TFAP2A: variants seen among roughly 807,000 people sequenced by gnomAD.
TFAP2A encodes the protein transcription factor AP-2 alpha, also known as transcription factor AP-2-alpha.
Under a neutral mutation model 41.5 loss-of-function variants are expected in TFAP2A, and 7 were observed. The observed-to-expected ratio is 0.17, with a 90% CI of 0.10 to 0.32. TFAP2A has a LOEUF of 0.32. TFAP2A is among the 10% of genes least tolerant of loss of function. TFAP2A has a pLI of 1.00. For missense variants in TFAP2A, 416 were observed against 563.3 expected (o/e 0.74, Z 2.65); for synonymous variants, 247 against 242.8 (o/e 1.02, Z -0.16).
intron 3 of TFAP2A, chr6:10,405,559 T>G (rs1304240096): frequency 6.6e-6 from 1 of 150,806 alleles, no homozygotes; most frequent in African/African-American, 2.5e-5. Context: ...CCATAAGCTC[T>G]TTATTGCTGG....
chr6:10,412,305 G>A (rs1040548164), intron 1 of TFAP2A: 2 of 986,034 alleles, frequency 2.0e-6, no homozygotes, highest in Non-Finnish European at 2.4e-6. Context: ...ATGCAAAAGT[G>A]AAAGAGAAAG....
intron 4 of TFAP2A, among the ~76,000 whole-genome samples, chr6:10,404,014 G>A (rs531225030): frequency 2.5e-4 from 38 of 152,308 alleles, no homozygotes; most frequent in Non-Finnish European, 4.0e-4. Context: ...TTAGTTAAAA[G>A]CCATTCTATT....
intron 2 of TFAP2A, among the ~76,000 whole-genome samples, chr6:10,408,296 G>A (rs994408990): frequency 6.6e-6 from 1 of 152,174 alleles, no homozygotes; most frequent in Admixed American, 6.5e-5. Flanking sequence ...GGGTTTCCTT[G>A]TTTTTGTTTA....
Position 10,411,798 on chromosome 6 carries a change from C to T in TFAP2A, c.52-1463G>A, listed in dbSNP as rs1757984259. The T allele has an allele frequency of 2.8e-6, 4 of 1,442,724 alleles. No homozygotes were observed. The Admixed American group carries it at 1.1e-4, about 41-fold the overall frequency. 89.4% of individuals were successfully genotyped at this position (1,442,724 alleles called of 1,614,324 possible). On this transcript the variant is annotated intron_variant, in intron 1 of 6. Coordinates refer to ENST00000379613, the MANE Select transcript of TFAP2A (RefSeq NM_001372066.1). ...TCCGAACTTGAACCACCGATTCGCGCGGCGCCTTCAGCTGGTCGAACCCAC... is the reference window on the plus strand; with the variant it reads ...TCCGAACTTGAACCACCGATTCGCGTGGCGCCTTCAGCTGGTCGAACCCAC...
Position 10,415,063 on chromosome 6 carries a change from G to A in TFAP2A, c.-72C>T. On this transcript the variant is annotated 5_prime_UTR_variant, in exon 1 of 7. Coordinates refer to ENST00000379613, the MANE Select transcript of TFAP2A (RefSeq NM_001372066.1). Reference sequence around the variant, plus strand: ...GAGCTACTCTCTGGGTGAGCGCAAAGTGCTGGCTGCCGGCGGTGAGCGCAG... The same window carrying A: ...GAGCTACTCTCTGGGTGAGCGCAAAATGCTGGCTGCCGGCGGTGAGCGCAG... 1 of 1,613,780 alleles carries A rather than the reference G, an allele frequency of 6.2e-7. No individual in the cohort carries two copies. Among genetic ancestry groups the A allele is most frequent in the Middle Eastern group, 1.6e-4 (1 of 6,062 alleles).
At chr6:10,411,052 C>CT (rs1757942795) in intron 1 of TFAP2A, 2 of 143,504 alleles carry the variant, frequency 1.4e-5, no homozygotes, top group African/African-American at 2.5e-5. Context: ...TGTGGCCCCC[C>CT]CCCCCCGCCC....
intron 5 of TFAP2A, chr6:10,402,093 A>T (rs1222684638): frequency 8.3e-6 from 3 of 362,392 alleles, no homozygotes; most frequent in Non-Finnish European, 1.6e-5. Context: ...GTCTTAAATC[A>T]GGACGCAGGT....
chr6:10,409,450 G>T (rs114190878), intron 2 of TFAP2A: 2 of 185,138 alleles, frequency 1.1e-5, no homozygotes, highest in African/African-American at 2.4e-5. Context: ...CGGTTAAAAT[G>T]ATCTTAGTGT....
At chr6:10,411,654 C>G in intron 1 of TFAP2A, 1 of 1,611,392 alleles carries the variant, frequency 6.2e-7, no homozygotes. Flanking sequence ...GCCTGGAGCG[C>G]CCGGCTGCCC....
At chr6:10,404,795 T>C in intron 3 of TFAP2A, 56 bp from the exon 4 acceptor site, 3 of 1,517,064 alleles carry the variant, frequency 2.0e-6, no homozygotes, top group Non-Finnish European at 2.7e-6. Context: ...CCCCAAATCC[T>C]GCCCGACCCC....
intron 1 of TFAP2A, chr6:10,411,575 C>G: frequency 6.2e-7 from 1 of 1,614,048 alleles, no homozygotes; most frequent in Non-Finnish European, 8.5e-7. Flanking sequence ...CTCACCATGG[C>G]TGAAAAACTG....
chr6:10,404,162 C>G (rs992985752), intron 4 of TFAP2A, among the ~76,000 whole-genome samples: 1 of 152,242 alleles, frequency 6.6e-6, no homozygotes, highest in African/African-American at 2.4e-5. Context: ...GTACGGCGCC[C>G]CGCGGCTGCA....
In TFAP2A at chr6:10,409,991, G is replaced by T. The variant is rs771478009; in HGVS notation, c.396C>A (p.His132Gln). The T allele has an allele frequency of 6.2e-7, 1 of 1,604,848 alleles. No homozygotes were observed. The highest frequency in any genetic ancestry group is 1.1e-5 in the South Asian group (1 of 90,098). Residue 132 changes from histidine (H) to glutamine (Q), a missense_variant, in exon 2 of 7, where the codon CAC (histidine) becomes CAA (glutamine). His to Gln is a conservative substitution (Grantham distance 24). Around this residue, in one of 3 missense-constraint regions of TFAP2A, gnomAD observed 241 missense variants for 274.1 expected, o/e 0.88. Transcript: ENST00000379613. ...CGTGTGGGCCGTGCAGGAGGTCCTCGTGCCGCCTGTAGTCCCTGCGAGGAT... is the reference window on the plus strand; with the variant it reads ...CGTGTGGGCCGTGCAGGAGGTCCTCTTGCCGCCTGTAGTCCCTGCGAGGAT... ...GLDPRRDYRR[H>Q]EDLLHGPHAL... is the part of the protein sequence containing the mutation.
intron 2 of TFAP2A, chr6:10,407,479 G>T (rs543927638): frequency 6.6e-6 from 1 of 152,144 alleles, no homozygotes; most frequent in South Asian, 2.1e-4. Context: ...TGTTAGTGTG[G>T]GGTGTTTTTC....
intron 2 of TFAP2A, among the ~76,000 whole-genome samples, chr6:10,408,161 A>G (rs1262836951): frequency 1.3e-5 from 2 of 152,260 alleles, no homozygotes; most frequent in Non-Finnish European, 2.9e-5. Context: ...TAGCAGTTAT[A>G]CTTACTAAAG....
At chr6:10,403,506 C>T (rs1231535163) in intron 4 of TFAP2A, among the ~76,000 whole-genome samples, 1 of 152,138 alleles carries the variant, frequency 6.6e-6, no homozygotes, top group African/African-American at 2.4e-5. Flanking sequence ...TCTTTATAGG[C>T]TTTGTGCGGG....
chr6:10,411,220 C>T (rs1372839496), intron 1 of TFAP2A, among the ~76,000 whole-genome samples: 1 of 152,196 alleles, frequency 6.6e-6, no homozygotes, highest in Non-Finnish European at 1.5e-5. Flanking sequence ...CCGCGCTGCA[C>T]TTTTCCTGCA....
Position 10,406,864 on chromosome 6 carries a change from A to C in TFAP2A, c.487-20T>G. On this transcript the variant is annotated intron_variant, in intron 2 of 6. Coordinates refer to ENST00000379613, the MANE Select transcript of TFAP2A (RefSeq NM_001372066.1). ...TACATGCTGCAACAAAAGGATACAC[A>C]TGGATGTAAGTGTATCATCAAAACA... The C allele has an allele frequency of 6.3e-7, 1 of 1,588,672 alleles. No homozygotes were observed. The highest frequency in any genetic ancestry group is 8.6e-7 in the Non-Finnish European group (1 of 1,156,684).
At chr6:10,415,802 G>C (rs1758220427), upstream of TFAP2A, 1 of 152,442 alleles carries the variant, frequency 6.6e-6, no homozygotes, top group African/African-American at 2.4e-5. Context: ...GGGCCGCAGC[G>C]CCTTGGGAGT....
Sources: gnomAD v4.1 joint callset for allele counts (sites outside exome capture counted in the v4.1 genomes callset) on GRCh38, gnomAD v4.1.1 for gene constraint, gnomAD v4.1.1 regional missense constraint, MANE v1.5 for transcripts, NCBI Gene and HGNC (gene_info 2026-07-23, HGNC 2026-07-21) for gene names.